The following DOCK3 variants were observed in gnomAD, a reference collection of about 807,000 sequenced individuals.
DOCK3 encodes dedicator of cytokinesis 3.
DOCK3 carries 60 observed loss-of-function variants against 265.6 expected under a neutral mutation model. The observed-to-expected ratio is 0.23, with a 90% confidence interval of 0.18 to 0.28. DOCK3 has a LOEUF of 0.28. DOCK3 is among the 10% of genes least tolerant of loss of function. The probability of loss-of-function intolerance (pLI) is 1.00; values close to 1 mark genes in which losing one functional copy is unlikely to be tolerated. For missense variants in DOCK3, 1,981 were observed against 2,594.3 expected, an observed-to-expected ratio of 0.76 and a Z score of 5.14; for synonymous variants, 881 against 938.0, an observed-to-expected ratio of 0.94 and a Z score of 1.11.
chr3:51,318,961 C>T (rs1266146847), intron 32 of DOCK3, among the ~76,000 whole-genome samples: 1 of 151,718 alleles, frequency 6.6e-6, no homozygotes. Flanking sequence ...TTGCAGATTC[C>T]TTGGGATTTT....
chr3:51,249,229 G>T (rs1464311997), intron 22 of DOCK3, among the ~76,000 whole-genome samples: 1 of 125,958 alleles, frequency 7.9e-6, no homozygotes, highest in Non-Finnish European at 1.7e-5. Flanking sequence ...CCGGCCAGCC[G>T]CCCTGTCCGG....
chr3:50,723,936 G>T (rs564583046), intron 1 of DOCK3, among the ~76,000 whole-genome samples: 1 of 152,226 alleles, frequency 6.6e-6, no homozygotes, highest in East Asian at 1.9e-4. Flanking sequence ...GAATATTTTT[G>T]CAATCTATCC....
At chr3:51,220,685 A>ATGTGTG (rs1188634968) in intron 14 of DOCK3, among the ~76,000 whole-genome samples, 2,589 of 38,386 alleles carry the variant, frequency 0.067, 32 homozygotes, top group Non-Finnish European at 0.11. Flanking sequence ...ATATATATAT[A>ATGTGTG]TATGTGTGTG....
intron 2 of DOCK3, among the ~76,000 whole-genome samples, chr3:50,808,011 A>G (rs1192512022): frequency 6.6e-6 from 1 of 152,252 alleles, no homozygotes; most frequent in Non-Finnish European, 1.5e-5. Context: ...TGCTGGGATT[A>G]CAAGCATGAG....
At chr3:50,702,036 C>T (rs2036075122) in intron 1 of DOCK3, among the ~76,000 whole-genome samples, 1 of 152,140 alleles carries the variant, frequency 6.6e-6, no homozygotes, top group Non-Finnish European at 1.5e-5. Flanking sequence ...TACAAGATTA[C>T]TTTGGCTATT....
chr3:50,677,739 T>C (rs1239500251), intron 1 of DOCK3, among the ~76,000 whole-genome samples: 1 of 152,220 alleles, frequency 6.6e-6, no homozygotes, highest in Non-Finnish European at 1.5e-5. Flanking sequence ...ACTGCAGCTG[T>C]TCATTTGTAT....
At chr3:51,330,349 C>A in intron 33 of DOCK3, 126 bp downstream of exon 33, 2 of 770,770 alleles carry the variant, frequency 2.6e-6, no homozygotes, top group East Asian at 2.7e-5. Flanking sequence ...CTGGGTTGTT[C>A]CTGATGGTAG....
At chr3:50,899,813 C>A (rs1335928939) in intron 4 of DOCK3, among the ~76,000 whole-genome samples, 1 of 152,112 alleles carries the variant, frequency 6.6e-6, no homozygotes, top group Non-Finnish European at 1.5e-5. Context: ...TCCTCTACCC[C>A]CCACTTTCTT....
chr3:50,906,580 G>A (rs1174973188), intron 4 of DOCK3, among the ~76,000 whole-genome samples: 1 of 152,000 alleles, frequency 6.6e-6, no homozygotes, highest in Non-Finnish European at 1.5e-5. Flanking sequence ...TCTGATGGTA[G>A]TTTGTATTTC....
intron 12 of DOCK3, among the ~76,000 whole-genome samples, chr3:51,203,993 A>G (rs1198661199): frequency 6.6e-6 from 1 of 152,044 alleles, no homozygotes; most frequent in Non-Finnish European, 1.5e-5. Flanking sequence ...TCCCTTCCTT[A>G]CACCTTATAC....
intron 5 of DOCK3, among the ~76,000 whole-genome samples, chr3:50,978,728 G>T (rs1024156400): frequency 6.6e-6 from 1 of 152,242 alleles, no homozygotes; most frequent in African/African-American, 2.4e-5. Context: ...GCAATGGCGG[G>T]CGCCCCTCCC....
intron 4 of DOCK3, among the ~76,000 whole-genome samples, chr3:50,925,522 C>G (rs928286076): frequency 3.3e-5 from 5 of 151,890 alleles, no homozygotes; most frequent in East Asian, 1.9e-4. Context: ...GCACTGCTCT[C>G]CAGACTGGGA....
Position 51,227,368 on chromosome 3 carries a change from G to C in DOCK3, c.1463G>C (p.Gly488Ala). 1 of 1,613,918 alleles carries C rather than the reference G, an allele frequency of 6.2e-7. No homozygotes were observed. Among genetic ancestry groups the C allele is most frequent in the South Asian group, 1.1e-5 (1 of 91,074 alleles). The change falls in exon 16 of 53, where the codon GGA becomes GCA. Residue 488 changes from glycine to alanine, a missense_variant. Around this residue, in one of 4 missense-constraint regions of DOCK3, gnomAD observed 1,357 missense variants for 1,866.8 expected, o/e 0.73. Transcript: ENST00000266037. ...TACCACAGTAATAGTCCTCGCTGGG[G>C]AGAAATTATCAAATTGCCTATCCCC... is the stretch of plus-strand genomic sequence containing the variant. ...VLYHSNSPRW[G>A]EIIKLPIPID...
At chr3:50,787,651 C>A (rs1488626274) in intron 2 of DOCK3, 1 of 1,309,060 alleles carries the variant, frequency 7.6e-7, no homozygotes, top group Non-Finnish European at 1.1e-6. Flanking sequence ...ACTCTTCCTG[C>A]AACCTCTTGT....
At chr3:51,326,524 C>T (rs1418333679) in intron 32 of DOCK3, among the ~76,000 whole-genome samples, 14 of 152,110 alleles carry the variant, frequency 9.2e-5, no homozygotes, top group Non-Finnish European at 2.1e-4. Context: ...TCATGATCTG[C>T]CCACCTGGGC....
rs564678867 is a variant in DOCK3, at chr3:51,241,883, A to G, written c.2102+4293A>G. 1.4e-3 allele frequency among the ~76,000 whole-genome samples: 207 copies of G among 152,270 alleles called. 2 individuals carry two copies. Among genetic ancestry groups the G allele is most frequent in the African/African-American group, 4.4e-3 (182 of 41,538 alleles). On this transcript the variant is annotated intron_variant, in intron 21 of 52. Transcript: ENST00000266037. Reference sequence around the variant, plus strand: ...GCTTTCAGTGTACTCCTGTAGCTCAATGATCATCATTCCTATCCATATTCT... The same window carrying G: ...GCTTTCAGTGTACTCCTGTAGCTCAGTGATCATCATTCCTATCCATATTCT...
At chr3:51,110,499 G>A (rs894618868) in intron 9 of DOCK3, among the ~76,000 whole-genome samples, 3 of 152,134 alleles carry the variant, frequency 2.0e-5, no homozygotes, top group African/African-American at 7.2e-5. Context: ...GATCAAGTAG[G>A]CTTTATCTCT....
At chr3:51,098,651 G>A (rs761373947) in intron 9 of DOCK3, among the ~76,000 whole-genome samples, 9 of 152,162 alleles carry the variant, frequency 5.9e-5, no homozygotes, top group Non-Finnish European at 1.0e-4. Context: ...CAGGATTTAG[G>A]CAGTCCACTA....
intron 12 of DOCK3, among the ~76,000 whole-genome samples, chr3:51,197,085 G>T (rs751532576): frequency 1.3e-5 from 2 of 152,206 alleles, no homozygotes; most frequent in Non-Finnish European, 2.9e-5. Flanking sequence ...TGACTCTGGT[G>T]TGTGCAGTAG....
Sources: allele counts gnomAD v4.1 joint callset (sites outside exome capture counted in the v4.1 genomes callset), GRCh38; gene constraint gnomAD v4.1.1; regional missense constraint gnomAD v4.1.1; transcripts MANE v1.5; gene names NCBI Gene and HGNC (gene_info 2026-07-23, HGNC 2026-07-21).